The following REPS1 variants were observed in gnomAD, a reference collection of about 807,000 sequenced individuals.
The protein encoded by REPS1 is RALBP1 associated Eps domain containing 1.
A neutral mutation model predicts 100.9 loss-of-function variants in REPS1; 39 were observed. The ratio of observed to expected loss-of-function variants is 0.39; its 90% CI spans 0.30 to 0.50. REPS1 has a LOEUF of 0.50. Among genes scored for constraint, REPS1 ranks in the 20% least tolerant of loss-of-function variants. REPS1 has a pLI of 0.86. For missense variants in REPS1, 821 were observed against 968.5 expected (o/e 0.85, Z 2.02); for synonymous variants, 324 against 340.3 (o/e 0.95, Z 0.53).
At chr6:138,926,577 G>A (rs1781139909) in intron 9 of REPS1, 96 bp from the exon 10 acceptor site, 2 of 798,642 alleles carry the variant, frequency 2.5e-6, no homozygotes, top group Non-Finnish European at 4.3e-6. Context: ...AGGTTGCACT[G>A]CAAGTTGTGT....
chr6:138,954,723 A>G (rs1472685370), intron 1 of REPS1, among the ~76,000 whole-genome samples: 2 of 152,222 alleles, frequency 1.3e-5, no homozygotes, highest in African/African-American at 4.8e-5. Flanking sequence ...AGGTGATTAC[A>G]TAAGACAGGT....
At position 138,904,819 on chromosome 6, in the gene REPS1, G is replaced by T; in HGVS notation, c.*245C>A. 1 of 370,726 alleles carries T rather than the reference G, an allele frequency of 2.7e-6. No homozygotes were observed. Among genetic ancestry groups the T allele is most frequent in the South Asian group, 4.7e-5 (1 of 21,332 alleles). The allele number at this position is 370,726 out of a possible 1,614,324, so 23.0% of individuals were successfully genotyped here. A position where few individuals can be genotyped will look rare whatever the true frequency, so the allele number is the denominator to read the frequency against. On this transcript the variant is annotated 3_prime_UTR_variant, in exon 20 of 20. Transcript: ENST00000450536. ...GAAGCATTGCATATCCCAGATGCTAGGGAACAGAAAAGGTGGGTGTGCCAA... is the reference window on the plus strand; with the variant it reads ...GAAGCATTGCATATCCCAGATGCTATGGAACAGAAAAGGTGGGTGTGCCAA...
At chr6:138,939,874 C>T (rs912004423) in intron 8 of REPS1, among the ~76,000 whole-genome samples, 10 of 152,126 alleles carry the variant, frequency 6.6e-5, no homozygotes, top group Non-Finnish European at 1.2e-4. Flanking sequence ...GAAATGATCC[C>T]AAAATCCTAG....
rs1182589498 is a variant in REPS1 at position 138,944,544 on chromosome 6, G to T, written c.707C>A (p.Thr236Asn). The change falls in exon 5 of 20, where the codon ACT becomes AAT. Residue 236 changes from threonine (T) to asparagine (N), a missense_variant. By Grantham distance (65) the Thr-to-Asn change is moderately conservative. Around this residue, in one of 3 missense-constraint regions of REPS1, gnomAD observed 757 missense variants for 866.4 expected, o/e 0.87. Coordinates refer to ENST00000450536, the MANE Select transcript of REPS1 (RefSeq NM_001286611.2). ...GGTTAAAAGAGTACTGGTTGGTGGAGTATCTGCAAAACTGACCCAGTTTTC... is the reference window on the plus strand; with the variant it reads ...GGTTAAAAGAGTACTGGTTGGTGGATTATCTGCAAAACTGACCCAGTTTTC... ...PQENWVSFAD[T>N]PPTSTLLTMH... is the part of the protein sequence containing the mutation. The T allele has an allele frequency of 1.2e-6, 2 of 1,614,056 alleles. No individual in the cohort carries two copies. The highest frequency in any genetic ancestry group is 2.2e-5 in the East Asian group (1 of 44,878).
At chr6:138,908,442 G>A (rs1402888281) in intron 18 of REPS1, among the ~76,000 whole-genome samples, 1 of 152,008 alleles carries the variant, frequency 6.6e-6, no homozygotes, top group African/African-American at 2.4e-5. Flanking sequence ...CTACAGGTGT[G>A]TACCACCACA....
At chr6:138,936,183 G>C (rs954222901) in intron 8 of REPS1, among the ~76,000 whole-genome samples, 20 of 152,212 alleles carry the variant, frequency 1.3e-4, no homozygotes, top group African/African-American at 4.6e-4. Context: ...CTAATCCGCT[G>C]AATTTGAAAT....
intron 8 of REPS1, among the ~76,000 whole-genome samples, chr6:138,930,760 GGA>G (rs1346747849): frequency 2.6e-5 from 4 of 152,094 alleles, no homozygotes; most frequent in African/African-American, 9.7e-5. Context: ...CAAAGCAGAA[GGA>G]GAGAGTCCCC....
intron 3 of REPS1, 27 bp downstream of exon 3, chr6:138,945,474 T>G (rs1486417815): frequency 6.3e-7 from 1 of 1,585,388 alleles, no homozygotes; most frequent in Non-Finnish European, 8.6e-7. Context: ...GGGCATCAAC[T>G]GCTAATATTT....
At chr6:138,907,634 C>T (rs753395935) in intron 18 of REPS1, 34 bp from the exon 19 acceptor site, 6 of 1,299,970 alleles carry the variant, frequency 4.6e-6, no homozygotes, top group African/African-American at 1.5e-5. Flanking sequence ...AAACCCATAA[C>T]CTTCATTTCT....
chr6:138,978,946 G>A lies in REPS1; in HGVS notation c.153+8584C>T, dbSNP rs1784755237. The stretch of plus-strand genomic sequence containing the variant: ...GCCTGTAATCCCAGCACTTTGGGAG[G>A]CCAAGGCAGGCAGATCACGAGATCA... On this transcript the variant is annotated intron_variant, in intron 1 of 19. Transcript: ENST00000450536. 2.6e-5 allele frequency among the ~76,000 whole-genome samples: 4 copies of A among 152,006 alleles called. No homozygotes were observed. The South Asian group carries it at 8.3e-4, about 32-fold the overall frequency.
chr6:138,927,709 C>T (rs1308309713), intron 9 of REPS1: 1 of 152,128 alleles, frequency 6.6e-6, no homozygotes, highest in Non-Finnish European at 1.5e-5. Flanking sequence ...ACTTTTCCTA[C>T]AGATTAGTTT....
At chr6:138,943,805 G>C (rs563804167) in intron 6 of REPS1, 48 bp downstream of exon 6, 1 of 1,463,708 alleles carries the variant, frequency 6.8e-7, no homozygotes, top group Admixed American at 2.1e-5. Context: ...TTATGAAATT[G>C]AGATTCTCCT....
chr6:138,975,742 G>A (rs530018144), intron 1 of REPS1, among the ~76,000 whole-genome samples: 3 of 152,134 alleles, frequency 2.0e-5, no homozygotes, highest in East Asian at 1.9e-4. Flanking sequence ...GCTGAGGCAG[G>A]AGAATCACTT....
chr6:138,905,831 A>T (rs916128017), intron 19 of REPS1, among the ~76,000 whole-genome samples: 1 of 152,148 alleles, frequency 6.6e-6, no homozygotes, highest in Non-Finnish European at 1.5e-5. Flanking sequence ...TCTCATTTTG[A>T]GCTTTAGTTT....
At chr6:138,953,390 A>G (rs1299441415) in intron 1 of REPS1, among the ~76,000 whole-genome samples, 1 of 152,192 alleles carries the variant, frequency 6.6e-6, no homozygotes, top group Non-Finnish European at 1.5e-5. Flanking sequence ...AAAGCAATCA[A>G]CAGAGTAAAA....
chr6:138,958,817 T>C (rs9495289), intron 1 of REPS1, among the ~76,000 whole-genome samples: 22,581 of 152,222 alleles, frequency 0.15, 1,775 homozygotes, highest in African/African-American at 0.17. Context: ...TGTTGCCCTT[T>C]TGCCTTGTAT....
Position 138,921,122 on chromosome 6 carries a change from A to G in REPS1, c.1341T>C (p.Asp447=). 1 of 1,588,060 alleles carries G rather than the reference A, an allele frequency of 6.3e-7. No individual in the cohort carries two copies. The highest frequency in any genetic ancestry group is 8.6e-7 in the Non-Finnish European group (1 of 1,159,848). Residue 447 remains aspartate, a splice_region_variant and synonymous_variant, in exon 11 of 20, where the codon GAT becomes GAC. Coordinates refer to ENST00000450536, the MANE Select transcript of REPS1 (RefSeq NM_001286611.2). ...FDSNIAPADP[D]TAIVHPVPIR... ...TGGGAACTGGATGAACAATAGCAGT[A>G]TCCTAGAGACAAATGGGAGGAAATA...
Position 138,941,335 on chromosome 6 carries a change from C to G in REPS1, c.1135G>C (p.Asp379His). Residue 379 changes from aspartate to histidine, a missense_variant and splice_region_variant, in exon 8 of 20, where the codon GAT (aspartate) becomes CAT (histidine). Physicochemically the swap from Asp to His is moderately conservative, Grantham distance 81 (BLOSUM62 -1). This residue lies in a region of REPS1 where 757 missense variants were observed against 866.4 expected (regional missense o/e 0.87). Coordinates refer to ENST00000450536, the MANE Select transcript of REPS1 (RefSeq NM_001286611.2). ...AGCTCTCTTCAGCTCCCAATCTTAC[C>G]TGCTGAATCTTCCAAATCAATCAGT... ...PKLIDLEDSA[D>H]VGDQPGEVGY... 2 of 1,613,834 alleles carry G rather than the reference C, an allele frequency of 1.2e-6. No individual in the cohort carries two copies. The highest frequency in any genetic ancestry group is 1.7e-6 in the Non-Finnish European group (2 of 1,179,890).
At chr6:138,933,278 T>C (rs1286152814) in intron 8 of REPS1, among the ~76,000 whole-genome samples, 1 of 152,214 alleles carries the variant, frequency 6.6e-6, no homozygotes, top group South Asian at 2.1e-4. Context: ...GTAACTATTT[T>C]AGGTTTTGTG....
Sources: gnomAD v4.1 joint callset for allele counts (sites outside exome capture counted in the v4.1 genomes callset) on GRCh38, gnomAD v4.1.1 for gene constraint, gnomAD v4.1.1 regional missense constraint, MANE v1.5 for transcripts, NCBI Gene and HGNC (gene_info 2026-07-23, HGNC 2026-07-21) for gene names.